The following PLCL1 variants were observed in gnomAD, a reference collection of about 807,000 sequenced individuals.
PLCL1 encodes the protein phospholipase C like 1 (inactive), also known as inactive phospholipase C-like protein 1.
Under a neutral mutation model 84.4 loss-of-function variants are expected in PLCL1, and 41 were observed. The observed-to-expected ratio is 0.49, with a 90% confidence interval of 0.38 to 0.63. PLCL1 has a LOEUF of 0.63. Ranked by LOEUF, PLCL1 falls within the 30% of genes least tolerant of loss-of-function variation. PLCL1 has a pLI of 0.00. For missense variants in PLCL1, 1,206 were observed against 1,367.8 expected (o/e 0.88, Z 1.87); for synonymous variants, 490 against 488.3 (o/e 1.00, Z -0.05).
intron 5 of PLCL1, among the ~76,000 whole-genome samples, chr2:198,133,830 T>G (rs188316739): frequency 3.6e-4 from 55 of 152,278 alleles, no homozygotes; most frequent in African/African-American, 1.3e-3. Context: ...AATGTGTGTT[T>G]GGATTCTGGA....
At chr2:198,032,171 A>G (rs6738825) in intron 1 of PLCL1, among the ~76,000 whole-genome samples, 74,146 of 152,032 alleles carry the variant, frequency 0.49, 18,473 homozygotes, top group Middle Eastern at 0.63. Context: ...CTAAGAATCA[A>G]TCTGTCTGTG....
intron 1 of PLCL1, among the ~76,000 whole-genome samples, chr2:197,933,189 A>G (rs1688978093): frequency 6.6e-6 from 1 of 151,968 alleles, no homozygotes; most frequent in Non-Finnish European, 1.5e-5. Context: ...AGAATTATCT[A>G]AGTTGTTCTC....
At chr2:197,938,889 G>A (rs1279441904) in intron 1 of PLCL1, among the ~76,000 whole-genome samples, 1 of 152,096 alleles carries the variant, frequency 6.6e-6, no homozygotes, top group Admixed American at 6.6e-5. Flanking sequence ...ATCTCAAGTG[G>A]AGACAAGAAA....
intron 1 of PLCL1, among the ~76,000 whole-genome samples, chr2:198,054,305 A>G (rs1692011932): frequency 6.6e-6 from 1 of 152,248 alleles, no homozygotes; most frequent in Non-Finnish European, 1.5e-5. Flanking sequence ...TTGGACTTAA[A>G]TTACATTTTC....
intron 1 of PLCL1, among the ~76,000 whole-genome samples, chr2:197,824,525 G>A (rs1690887274): frequency 6.6e-6 from 1 of 151,800 alleles, no homozygotes; most frequent in East Asian, 1.9e-4. Flanking sequence ...AGCAGCCTGG[G>A]AAACATAGTG....
At position 198,114,387 on chromosome 2, in the gene PLCL1, A is replaced by T. The variant is rs1050441426; in HGVS notation, c.3105+10451A>T. The stretch of plus-strand genomic sequence containing the variant: ...TTTCAGATGAAAGCTGCATTTTATA[A>T]TGAATCTGAATAATTCAAAAGTGGC... On this transcript the variant is annotated intron_variant, in intron 5 of 5. Transcript: ENST00000428675. Among the ~76,000 whole-genome samples the T allele has an allele frequency of 5.9e-5, 9 of 151,854 alleles. 1 individual carries two copies. Among genetic ancestry groups the T allele is most frequent in the African/African-American group, 2.2e-4 (9 of 41,404 alleles).
intron 1 of PLCL1, among the ~76,000 whole-genome samples, chr2:197,983,298 C>T (rs1690156853): frequency 7.0e-6 from 1 of 143,192 alleles, no homozygotes; most frequent in South Asian, 2.3e-4. Context: ...GGCACAATCA[C>T]AACTCACTGC....
intron 1 of PLCL1, among the ~76,000 whole-genome samples, chr2:198,031,138 A>G (rs1171028960): frequency 2.0e-5 from 3 of 151,080 alleles, no homozygotes; most frequent in Non-Finnish European, 4.4e-5. Context: ...TGTGAGGTGG[A>G]GACAGGAGGA....
chr2:197,914,099 C>T (rs1196710505), intron 1 of PLCL1, among the ~76,000 whole-genome samples: 1 of 152,054 alleles, frequency 6.6e-6, no homozygotes, highest in Non-Finnish European at 1.5e-5. Context: ...ATAGTGTGGT[C>T]TTTCTGATTA....
chr2:198,093,729 C>A (rs986679931), intron 3 of PLCL1, among the ~76,000 whole-genome samples: 4 of 152,070 alleles, frequency 2.6e-5, no homozygotes, highest in Non-Finnish European at 5.9e-5. Context: ...AGAATAAAAA[C>A]AACCTGAAAT....
At chr2:197,841,109 G>A (rs1197697311) in intron 1 of PLCL1, among the ~76,000 whole-genome samples, 1 of 152,020 alleles carries the variant, frequency 6.6e-6, no homozygotes, top group Non-Finnish European at 1.5e-5. Context: ...CCAACCCACC[G>A]CAGTTTCCCC....
chr2:198,014,492 AG>A (rs1398924016), intron 1 of PLCL1, among the ~76,000 whole-genome samples: 6 of 152,134 alleles, frequency 3.9e-5, no homozygotes, highest in African/African-American at 1.4e-4. Flanking sequence ...CTGTGTATAA[AG>A]AAGTAATTAG....
At chr2:197,977,371 C>T (rs1043498789) in intron 1 of PLCL1, among the ~76,000 whole-genome samples, 1 of 151,936 alleles carries the variant, frequency 6.6e-6, no homozygotes, top group East Asian at 1.9e-4. Flanking sequence ...CGTGCAGAGA[C>T]CAGACTCAGC....
At position 198,081,749 on chromosome 2, in the gene PLCL1, C is replaced by G. The variant is rs149128835; in HGVS notation, c.241-2009C>G. Reference sequence around the variant, plus strand: ...TCATAACTAAAGCAAATTTTGTTTCCTTTTCATGGGTAGGGTTTTAGTCAA... The same window carrying G: ...TCATAACTAAAGCAAATTTTGTTTCGTTTTCATGGGTAGGGTTTTAGTCAA... On this transcript the variant is annotated intron_variant, in intron 1 of 5. Coordinates refer to ENST00000428675, the MANE Select transcript of PLCL1 (RefSeq NM_006226.4). Among the ~76,000 whole-genome samples the G allele has an allele frequency of 6.9e-4, 105 of 152,172 alleles. 3 individuals are homozygous for G. In the South Asian group the frequency reaches 0.013, roughly 20 times the overall value.
chr2:198,107,631 C>T (rs1472681698), intron 5 of PLCL1, among the ~76,000 whole-genome samples: 1 of 151,834 alleles, frequency 6.6e-6, no homozygotes, highest in Admixed American at 6.6e-5. Flanking sequence ...ATTTTTATTT[C>T]TTTGTTAACT....
intron 1 of PLCL1, among the ~76,000 whole-genome samples, chr2:198,018,836 C>G (rs1691062219): frequency 1.3e-5 from 2 of 152,234 alleles, no homozygotes; most frequent in Admixed American, 1.3e-4. Context: ...TGCCTAACGG[C>G]TCTAAAGAGA....
chr2:198,032,450 A>G (rs910754158), intron 1 of PLCL1, among the ~76,000 whole-genome samples: 2 of 152,256 alleles, frequency 1.3e-5, no homozygotes, highest in African/African-American at 2.4e-5. Context: ...TTTGGCTTTC[A>G]TGAAGACAAA....
chr2:197,929,078 A>T (rs535536911), intron 1 of PLCL1, among the ~76,000 whole-genome samples: 9 of 152,298 alleles, frequency 5.9e-5, no homozygotes, highest in Admixed American at 4.6e-4. Flanking sequence ...TATATGCTTC[A>T]GTGAATTGTT....
intron 1 of PLCL1, among the ~76,000 whole-genome samples, chr2:197,896,948 A>G (rs1688146475): frequency 1.3e-5 from 2 of 152,232 alleles, no homozygotes; most frequent in Admixed American, 1.3e-4. Flanking sequence ...TAGAAAGAAG[A>G]TAAAAACCCC....
Sources: allele counts gnomAD v4.1 joint callset (sites outside exome capture counted in the v4.1 genomes callset), GRCh38; gene constraint gnomAD v4.1.1; transcripts MANE v1.5; gene names NCBI Gene and HGNC (gene_info 2026-07-23, HGNC 2026-07-21).